Variants in ABCB11 observed in about 807,000 individuals in gnomAD.
ABCB11 encodes the protein ATP binding cassette subfamily B member 11.
Under a neutral mutation model 148.0 loss-of-function variants are expected in ABCB11, and 95 were observed. The observed-to-expected ratio is 0.64, with a 90% CI of 0.54 to 0.76. ABCB11 has a LOEUF of 0.76. ABCB11 is among the 30% of genes least tolerant of loss of function. ABCB11 has a pLI of 0.00. For missense variants in ABCB11, 1,523 were observed against 1,617.8 expected (o/e 0.94, Z 1.01); for synonymous variants, 591 against 555.4 (o/e 1.06, Z -0.90).
At position 168,936,548 on chromosome 2, in the gene ABCB11, T is replaced by C. The variant is rs929312976; in HGVS notation, c.2611-115A>G. On this transcript the variant is annotated intron_variant, in intron 21 of 27. Transcript: ENST00000650372. The stretch of plus-strand genomic sequence containing the variant: ...TTGTGATAAAATATACATAACAATA[T>C]ATATCATTTTAACCATTCTTAAGTG... The C allele has an allele frequency of 1.1e-5, 10 of 889,450 alleles. No individual in the cohort carries two copies. The African/African-American group carries it at 1.7e-4, about 15-fold the overall frequency. The allele number at this position is 889,450 out of a possible 1,614,324, so 55.1% of individuals were successfully genotyped here. A position where few individuals can be genotyped will look rare whatever the true frequency, so the allele number is the denominator to read the frequency against.
chr2:169,018,078 C>G lies in ABCB11; in HGVS notation c.48G>C (p.Glu16Asp). Residue 16 changes from glutamate (E) to aspartate (D), a missense_variant, in exon 2 of 28, where the codon GAG (glutamate) becomes GAC (aspartate). Glu to Asp is a conservative substitution (Grantham distance 45). Transcript: ENST00000650372. ...ILRSIKKFGE[E>D]NDGFESDKSY... ...ATTTATCTGACTCAAAACCATCATT[C>G]TCCTCTCCAAATTTCTTTATACTTC... The G allele has an allele frequency of 6.2e-7, 1 of 1,613,626 alleles. No individual in the cohort carries two copies. The highest frequency in any genetic ancestry group is 8.5e-7 in the Non-Finnish European group (1 of 1,179,684).
intron 22 of ABCB11, 126 bp downstream of exon 22, chr2:168,936,104 G>A (rs550663972): frequency 3.2e-5 from 29 of 917,840 alleles, no homozygotes; most frequent in Non-Finnish European, 4.7e-5. Flanking sequence ...GTGGTGGAAG[G>A]TTCTTAAGTG....
intron 19 of ABCB11, among the ~76,000 whole-genome samples, chr2:168,956,040 T>C (rs1434041973): frequency 6.6e-6 from 1 of 151,726 alleles, no homozygotes; most frequent in Non-Finnish European, 1.5e-5. Context: ...AAAGGTTTAA[T>C]TGGTTCACAG....
downstream of ABCB11, among the ~76,000 whole-genome samples, chr2:168,920,021 G>T (rs1691029298): frequency 6.6e-6 from 1 of 151,908 alleles, no homozygotes; most frequent in South Asian, 2.1e-4. Flanking sequence ...CACCATGCCT[G>T]GCTAATTTTT....
At chr2:169,030,882 G>A (rs1695845882) in intron 1 of ABCB11, among the ~76,000 whole-genome samples, 1 of 152,274 alleles carries the variant, frequency 6.6e-6, no homozygotes, top group Middle Eastern at 3.4e-3. Flanking sequence ...CTTTCACAAA[G>A]CCAAGTTAAA....
chr2:168,932,406 T>C lies in ABCB11; in HGVS notation c.3184A>G (p.Ser1062Gly), dbSNP rs1283504049. Residue 1062 changes from serine to glycine, a missense_variant, in exon 24 of 28, where the codon AGT becomes GGT. Coordinates refer to ENST00000650372, the MANE Select transcript of ABCB11 (RefSeq NM_003742.4). ...TTTTCACCTGCAGTATTGTATACACTGATTGGGGGTTGTCGGTCCAGCAGT... is the reference window on the plus strand; with the variant it reads ...TTTTCACCTGCAGTATTGTATACACCGATTGGGGGTTGTCGGTCCAGCAGT... ...FQLLDRQPPI[S>G]VYNTAGEKWD... 3 of 1,576,386 alleles carry C rather than the reference T, an allele frequency of 1.9e-6. No homozygotes were observed. The highest frequency in any genetic ancestry group is 2.7e-5 in the African/African-American group (2 of 74,094).
rs1376144031 is a variant in ABCB11 at position 168,972,134 on chromosome 2, G to T, written c.1435-84C>A. The T allele has an allele frequency of 3.1e-6, 4 of 1,297,386 alleles. No individual in the cohort carries two copies. The South Asian group carries it at 5.3e-5, about 17-fold the overall frequency. 80.4% of individuals were successfully genotyped at this position (1,297,386 alleles called of 1,614,324 possible). On this transcript the variant is annotated intron_variant, in intron 13 of 27. Coordinates refer to ENST00000650372, the MANE Select transcript of ABCB11 (RefSeq NM_003742.4). ...ATATTATGTCATACTTGACCAATGG[G>T]CAGAAAAAATAGAGGCCAATAAGAT...
intron 19 of ABCB11, among the ~76,000 whole-genome samples, chr2:168,945,700 G>A (rs62171003): frequency 7.3e-5 from 11 of 151,666 alleles, no homozygotes; most frequent in Non-Finnish European, 1.3e-4. Flanking sequence ...ATCTGGAAAT[G>A]TTGTCTGGGA....
At chr2:169,017,949 G>C in intron 2 of ABCB11, 101 bp downstream of exon 2, 1 of 942,406 alleles carries the variant, frequency 1.1e-6, no homozygotes, top group Non-Finnish European at 1.8e-6. Context: ...TCTACCTACT[G>C]TTGCTGATTT....
intron 27 of ABCB11, 143 bp downstream of exon 27, chr2:168,924,514 T>C (rs1033462009): frequency 9.6e-5 from 65 of 677,240 alleles, no homozygotes; most frequent in Admixed American, 2.5e-4. Flanking sequence ...CTCTAGATAA[T>C]TGTCTTTTGG....
chr2:168,975,516 T>G (rs567104046), intron 12 of ABCB11, among the ~76,000 whole-genome samples: 1 of 130,798 alleles, frequency 7.6e-6, no homozygotes. Context: ...GATAAATATA[T>G]AAATATTTTT....
At chr2:168,954,149 T>C (rs1050644827) in intron 19 of ABCB11, among the ~76,000 whole-genome samples, 1 of 151,654 alleles carries the variant, frequency 6.6e-6, no homozygotes, top group East Asian at 1.9e-4. Flanking sequence ...AAGGTTAATA[T>C]TGATATGTGA....
chr2:169,006,999 T>C (rs1695037948), intron 5 of ABCB11, among the ~76,000 whole-genome samples: 2 of 152,168 alleles, frequency 1.3e-5, no homozygotes, highest in African/African-American at 2.4e-5. Context: ...TTCCTAGCAT[T>C]CTAGCTGACT....
chr2:168,942,348 A>T (rs1390596242), intron 21 of ABCB11, among the ~76,000 whole-genome samples: 3 of 151,914 alleles, frequency 2.0e-5, no homozygotes, highest in African/African-American at 7.2e-5. Flanking sequence ...CAGAATAAAA[A>T]TAAATTTTTA....
chr2:169,002,662 A>C (rs1373418689), intron 5 of ABCB11, among the ~76,000 whole-genome samples: 4 of 152,218 alleles, frequency 2.6e-5, no homozygotes, highest in African/African-American at 4.8e-5. Context: ...TATCATGTTA[A>C]GTGAAATAAG....
chr2:168,925,393 G>GA (rs545433152), intron 26 of ABCB11, among the ~76,000 whole-genome samples: 4 of 152,244 alleles, frequency 2.6e-5, no homozygotes, highest in South Asian at 4.1e-4. Context: ...AAATTAGGAA[G>GA]AAAAAATCAC....
At position 168,944,821 on chromosome 2, in the gene ABCB11, T is replaced by C. The variant is rs200903127; in HGVS notation, c.2448+36A>G. The C allele has an allele frequency of 5.2e-5, 84 of 1,608,086 alleles. No homozygotes were observed. The African/African-American group carries it at 8.2e-4, about 16-fold the overall frequency. On this transcript the variant is annotated intron_variant, in intron 20 of 27. Transcript: ENST00000650372. Reference sequence around the variant, plus strand: ...AATTTTAATGAGAAAAAAGGAAAAATAACTAAATCACTTACTGAAAAATAA... The same window carrying C: ...AATTTTAATGAGAAAAAAGGAAAAACAACTAAATCACTTACTGAAAAATAA...
At chr2:169,006,602 G>T (rs1408251527) in intron 5 of ABCB11, among the ~76,000 whole-genome samples, 2 of 151,926 alleles carry the variant, frequency 1.3e-5, no homozygotes, top group African/African-American at 4.8e-5. Flanking sequence ...CAGCTAGATT[G>T]GAAAGGAAAA....
chr2:168,923,632 G>T lies in ABCB11; in HGVS notation c.3956C>A (p.Pro1319His), dbSNP rs780781159. The change falls in exon 28 of 28, where the codon CCC becomes CAC. Residue 1319 changes from proline (P) to histidine (H), a missense_variant. Coordinates refer to ENST00000650372, the MANE Select transcript of ABCB11 (RefSeq NM_003742.4). ...AYYKLVTTGS[P>H]IS is the part of the protein sequence containing the mutation. ...GATTCTTGCATTGGGTCAACTGATG[G>T]GGGATCCAGTGGTGACTAGTTTGTA... The T allele has an allele frequency of 6.2e-7, 1 of 1,613,716 alleles. No homozygotes were observed. The highest frequency in any genetic ancestry group is 1.1e-5 in the South Asian group (1 of 91,064).
Sources: gnomAD v4.1 joint callset for allele counts (sites outside exome capture counted in the v4.1 genomes callset) on GRCh38, gnomAD v4.1.1 for gene constraint, MANE v1.5 for transcripts, NCBI Gene and HGNC (gene_info 2026-07-23, HGNC 2026-07-21) for gene names.